TNN: variants seen among roughly 807,000 people sequenced by gnomAD.
TNN encodes the protein tenascin N, also known as tenascin-N.
TNN carries 122 observed loss-of-function variants against 134.4 expected under a neutral mutation model. That is an observed-to-expected ratio of 0.91 (90% CI 0.78 to 1.06). The LOEUF is 1.06. Ranked by LOEUF, TNN falls within the 50% of genes least tolerant of loss-of-function variation. The probability of loss-of-function intolerance (pLI) is 0.00; values close to 1 mark genes in which losing one functional copy is unlikely to be tolerated. For synonymous variants in TNN, 710 were observed against 670.3 expected, an observed-to-expected ratio of 1.06 and a Z score of -0.91; for missense variants, 1,739 against 1,699.4, an observed-to-expected ratio of 1.02 and a Z score of -0.41.
intron 9 of TNN, among the ~76,000 whole-genome samples, chr1:175,112,944 G>A (rs1306387132): frequency 1.3e-5 from 2 of 152,044 alleles, no homozygotes; most frequent in African/African-American, 2.4e-5. Context: ...TCTTTTAAGT[G>A]GGGAATTTAA....
rs147091640 is a variant in TNN, at chr1:175,112,485, T to C, written c.2120-4454T>C. Among the ~76,000 whole-genome samples the C allele has an allele frequency of 9.9e-5, 15 of 152,144 alleles. No homozygotes were observed. The East Asian group carries it at 2.7e-3, about 27-fold the overall frequency. The stretch of plus-strand genomic sequence containing the variant: ...TTTTGGTTTCTGTTTACATGGAATA[T>C]CTTTTTCCATCCTTTCACTTTGCAT... On this transcript the variant is annotated intron_variant, in intron 9 of 18. Transcript: ENST00000239462.
chr1:175,101,379 G>A (rs1389971040), intron 9 of TNN, among the ~76,000 whole-genome samples: 8 of 150,556 alleles, frequency 5.3e-5, no homozygotes, highest in East Asian at 2.0e-4. Context: ...AGATCTTCGC[G>A]GTGTTACAGC....
At chr1:175,114,117 T>C (rs1157452547) in intron 9 of TNN, among the ~76,000 whole-genome samples, 1 of 152,246 alleles carries the variant, frequency 6.6e-6, no homozygotes, top group Non-Finnish European at 1.5e-5. Flanking sequence ...TCATGTTTTC[T>C]TGCTTTCTTC....
chr1:175,093,326 C>T (rs1209342946), intron 6 of TNN, among the ~76,000 whole-genome samples: 5 of 152,214 alleles, frequency 3.3e-5, no homozygotes, highest in African/African-American at 4.8e-5. Flanking sequence ...TTGGGAAGCA[C>T]AGTCTCTAGG....
intron 2 of TNN, among the ~76,000 whole-genome samples, chr1:175,078,955 A>G (rs1450899632): frequency 1.3e-5 from 2 of 152,158 alleles, no homozygotes; most frequent in African/African-American, 4.8e-5. Context: ...TCAGCTGGCC[A>G]GGGTGGAGCA....
chr1:175,094,165 C>T lies in TNN; in HGVS notation c.1500C>T (p.Gly500=), dbSNP rs772682017. 11 of 1,613,928 alleles carry T rather than the reference C, an allele frequency of 6.8e-6. No homozygotes were observed. The South Asian group carries it at 1.1e-4, about 16-fold the overall frequency. Residue 500 remains glycine, a synonymous_variant, in exon 7 of 19, where the codon GGC becomes GGT. Coordinates refer to ENST00000239462, the MANE Select transcript of TNN (RefSeq NM_022093.2). The part of the protein sequence containing the change: ...HKDESSTVLT[G]LKPGEAYKVY... ...ATGAGAGCAGCACTGTCCTGACGGGCCTGAAGCCAGGAGAGGCATACAAGG... is the reference window on the plus strand; with the variant it reads ...ATGAGAGCAGCACTGTCCTGACGGGTCTGAAGCCAGGAGAGGCATACAAGG...
intron 17 of TNN, among the ~76,000 whole-genome samples, chr1:175,141,266 A>G (rs950619713): frequency 1.3e-5 from 2 of 152,218 alleles, no homozygotes; most frequent in Non-Finnish European, 2.9e-5. Flanking sequence ...TAGAGATCAT[A>G]ATGCAAACAT....
chr1:175,117,875 C>T (rs1242705911), intron 10 of TNN, among the ~76,000 whole-genome samples: 1 of 152,204 alleles, frequency 6.6e-6, no homozygotes, highest in Non-Finnish European at 1.5e-5. Flanking sequence ...ATAAGGATAG[C>T]TCCTACGTTA....
At chr1:175,087,404 T>C (rs1674343070) in intron 6 of TNN, among the ~76,000 whole-genome samples, 1 of 152,224 alleles carries the variant, frequency 6.6e-6, no homozygotes, top group Non-Finnish European at 1.5e-5. Context: ...TGTGGAGATA[T>C]TTAACCTTTT....
intron 9 of TNN, among the ~76,000 whole-genome samples, chr1:175,109,969 C>G (rs1024256312): frequency 1.3e-5 from 2 of 152,086 alleles, no homozygotes; most frequent in African/African-American, 4.8e-5. Context: ...GCCATTCCCA[C>G]CAGCAGTGAA....
rs1303422585 is a variant in TNN, at chr1:175,123,425, G to C, written c.2676G>C (p.Val892=). 1.9e-6 allele frequency: 3 copies of C among 1,614,118 alleles called. No individual in the cohort carries two copies. In the Admixed American group the frequency reaches 5.0e-5, roughly 27 times the overall value. Residue 892 remains valine, a synonymous_variant, in exon 12 of 19, where the codon GTG becomes GTC. Transcript: ENST00000239462. ...QTEIDGPKNL[V]TDWVTENMAT... is the part of the protein sequence containing the mutation. ...AAATTGACGGCCCCAAAAACCTAGT[G>C]ACTGACTGGGTGACGGAGAATATGG... is the stretch of plus-strand genomic sequence containing the variant.
intron 16 of TNN, among the ~76,000 whole-genome samples, chr1:175,136,413 C>A (rs1404432381): frequency 6.6e-6 from 1 of 152,152 alleles, no homozygotes; most frequent in Non-Finnish European, 1.5e-5. Context: ...ATTAAAAAGT[C>A]ATAGTTCAGA....
intron 6 of TNN, 128 bp from the exon 7 acceptor site, chr1:175,093,862 G>C (rs1371277616): frequency 2.2e-6 from 2 of 921,598 alleles, no homozygotes; most frequent in Non-Finnish European, 3.2e-6. Flanking sequence ...ACTGATGATG[G>C]AGAGACCCCC....
rs1277752415 is a variant in TNN, at chr1:175,125,755, T to TTC, written c.2915-1189_2915-1188dup. The stretch of plus-strand genomic sequence containing the variant: ...TTTCTTTCTTTCTTTCTTTCTTTCT[T>TTC]TCTCTCTCTCTCCCTCCCTTTCTCT... On this transcript the variant is annotated intron_variant, in intron 12 of 18. Transcript: ENST00000239462. 1.4e-3 allele frequency among the ~76,000 whole-genome samples: 137 copies of TTC among 95,332 alleles called. 1 individual carries two copies. Among genetic ancestry groups the TTC allele is most frequent in the African/African-American group, 4.7e-3 (118 of 24,914 alleles). 62.5% of individuals were successfully genotyped at this position (95,332 alleles called of 152,430 possible).
At chr1:175,135,067 C>A (rs1261243483) in intron 15 of TNN, among the ~76,000 whole-genome samples, 2 of 152,190 alleles carry the variant, frequency 1.3e-5, no homozygotes, top group Admixed American at 6.5e-5. Flanking sequence ...CACCCCCGTG[C>A]TCTTGCCTGA....
chr1:175,091,151 C>G (rs1199054230), intron 6 of TNN, among the ~76,000 whole-genome samples: 4 of 152,264 alleles, frequency 2.6e-5, no homozygotes, highest in African/African-American at 7.2e-5. Context: ...CTGAGGCCTT[C>G]CTCCCATTCC....
intron 15 of TNN, among the ~76,000 whole-genome samples, chr1:175,131,268 T>G (rs1201494683): frequency 4.3e-4 from 65 of 152,214 alleles, no homozygotes; most frequent in Non-Finnish European, 5.9e-5. Context: ...ATTTCCATCT[T>G]TGTTTTCCAT....
chr1:175,109,342 C>A (rs1307895396), intron 9 of TNN, among the ~76,000 whole-genome samples: 15 of 151,416 alleles, frequency 9.9e-5, no homozygotes, highest in Admixed American at 9.9e-4. Flanking sequence ...CCCGCCTCGG[C>A]CTCCCAAAGT....
intron 18 of TNN, among the ~76,000 whole-genome samples, chr1:175,145,576 G>A (rs1443680841): frequency 0.011 from 300 of 28,494 alleles, no homozygotes; most frequent in Non-Finnish European, 0.015. Context: ...AAAAAAAAAA[G>A]CTGTCTCAAG....
Sources: allele counts gnomAD v4.1 joint callset (sites outside exome capture counted in the v4.1 genomes callset), GRCh38; gene constraint gnomAD v4.1.1; transcripts MANE v1.5; gene names NCBI Gene and HGNC (gene_info 2026-07-23, HGNC 2026-07-21).